ZNF728: variants seen among roughly 807,000 people sequenced by gnomAD.
ZNF728 encodes the protein zinc finger protein 728.
In ZNF728, 12 loss-of-function variants were observed where a neutral mutation model predicts 12.5. The observed-to-expected ratio is 0.96, with a 90% CI of 0.61 to 1.55. ZNF728 has a LOEUF of 1.55. Among genes scored for constraint, ZNF728 ranks in the 40% most tolerant of loss-of-function variants. The pLI, the probability that ZNF728 is intolerant of heterozygous loss-of-function variation, is 0.00. For synonymous variants in ZNF728, 205 were observed against 240.7 expected (o/e 0.85, Z 1.37); for missense variants, 692 against 719.2 (o/e 0.96, Z 0.43).
chr19:22,982,097 T>C (rs568005728), intron 3 of ZNF728, among the ~76,000 whole-genome samples: 2 of 152,194 alleles, frequency 1.3e-5, no homozygotes, highest in Non-Finnish European at 2.9e-5. Flanking sequence ...ACTTTCTCTA[T>C]CTGCAGATGA....
intron 1 of ZNF728, among the ~76,000 whole-genome samples, chr19:22,997,575 A>G (rs1049068028): frequency 7.9e-5 from 12 of 152,268 alleles, no homozygotes; most frequent in African/African-American, 2.9e-4. Context: ...CAGTTTAACA[A>G]CCTGATATCA....
intron 3 of ZNF728, 23 bp from the exon 4 acceptor site, chr19:22,977,133 A>C (rs1477325811): frequency 6.6e-7 from 1 of 1,508,704 alleles, no homozygotes; most frequent in East Asian, 2.3e-5. Context: ...AAAAATAACA[A>C]ATTAGTCCAC....
intron 3 of ZNF728, among the ~76,000 whole-genome samples, chr19:22,985,483 G>A (rs1471414800): frequency 6.6e-6 from 1 of 152,146 alleles, no homozygotes; most frequent in East Asian, 1.9e-4. Context: ...CTTTAAGAGA[G>A]CTTTGAGATC....
At chr19:22,999,854 T>C (rs1208756009) in intron 1 of ZNF728, among the ~76,000 whole-genome samples, 3 of 152,122 alleles carry the variant, frequency 2.0e-5, no homozygotes, top group Non-Finnish European at 4.4e-5. Context: ...TAACAGGATA[T>C]AGAACAAAGA....
chr19:22,978,299 T>C (rs1968826779), intron 3 of ZNF728, among the ~76,000 whole-genome samples: 1 of 119,020 alleles, frequency 8.4e-6, no homozygotes, highest in East Asian at 2.2e-4. Context: ...ATAGTCAAAG[T>C]CCTAAAAAAA....
intron 1 of ZNF728, among the ~76,000 whole-genome samples, chr19:22,997,846 C>T (rs1364522494): frequency 4.6e-5 from 7 of 151,318 alleles, no homozygotes; most frequent in African/African-American, 1.7e-4. Context: ...CTGAAGTCTG[C>T]TATGCACATA....
At chr19:22,977,241 C>G in intron 3 of ZNF728, 131 bp from the exon 4 acceptor site, 1 of 847,828 alleles carries the variant, frequency 1.2e-6, no homozygotes, top group Non-Finnish European at 1.7e-6. Context: ...TAATTCTTCA[C>G]AGACATATAA....
chr19:22,977,777 A>G (rs1353714412), intron 3 of ZNF728, among the ~76,000 whole-genome samples: 1 of 152,052 alleles, frequency 6.6e-6, no homozygotes, highest in Non-Finnish European at 1.5e-5. Flanking sequence ...AGCCAAGACC[A>G]TTGTTTTCTG....
chr19:22,978,906 C>A (rs903604075), intron 3 of ZNF728, among the ~76,000 whole-genome samples: 1 of 152,156 alleles, frequency 6.6e-6, no homozygotes, highest in African/African-American at 2.4e-5. Flanking sequence ...TGGGGAGAAG[C>A]CAGTGTAAAA....
intron 3 of ZNF728, among the ~76,000 whole-genome samples, chr19:22,978,902 G>A (rs1599526635): frequency 6.6e-6 from 1 of 152,334 alleles, no homozygotes; most frequent in East Asian, 1.9e-4. Flanking sequence ...AAGATGGGGA[G>A]AAGCCAGTGT....
intron 3 of ZNF728, among the ~76,000 whole-genome samples, chr19:22,986,166 TA>T (rs1321381243): frequency 1.3e-5 from 2 of 152,210 alleles, no homozygotes; most frequent in Non-Finnish European, 2.9e-5. Context: ...AACCAGTTTA[TA>T]AAAACTTTAA....
chr19:23,002,749 TGA>T (rs1291972833), intron 1 of ZNF728, among the ~76,000 whole-genome samples: 2 of 152,174 alleles, frequency 1.3e-5, no homozygotes, highest in African/African-American at 2.4e-5. Flanking sequence ...CCTGCACATC[TGA>T]GAGAGACTCC....
In ZNF728 at chr19:22,987,195, G is replaced by T. The variant is rs550796446; in HGVS notation, c.226+113C>A. On this transcript the variant is annotated intron_variant, in intron 3 of 3. Coordinates refer to ENST00000594710, the MANE Select transcript of ZNF728 (RefSeq NM_001267716.2). ...ATTAAAAAATAAAAATAAAAATTAG[G>T]CTTTCCAGAAACTATTTCTTTTGGA... The T allele has an allele frequency of 1.4e-5, 13 of 951,262 alleles. No individual in the cohort carries two copies. In the African/African-American group the frequency reaches 1.9e-4, roughly 14 times the overall value. The allele number at this position is 951,262 out of a possible 1,614,324, so 58.9% of individuals were successfully genotyped here.
In ZNF728 at chr19:22,975,767, T is replaced by G; in HGVS notation, c.1570A>C (p.Thr524Pro). ...GKAFSKVANLTKHKVIHTGEK... is the reference protein window; with the variant it reads ...GKAFSKVANLPKHKVIHTGEK... Reference sequence around the variant, plus strand: ...CCAGTATGAATTACCTTATGTTTAGTAAGGTTTGCAACCTTACTGAAGGCT... The same window carrying G: ...CCAGTATGAATTACCTTATGTTTAGGAAGGTTTGCAACCTTACTGAAGGCT... The change falls in exon 4 of 4, where the codon ACT becomes CCT. Residue 524 changes from threonine to proline, a missense_variant. This residue lies in a region of ZNF728 where 244 missense variants were observed against 235.2 expected (regional missense o/e 1.04). Coordinates refer to ENST00000594710, the MANE Select transcript of ZNF728 (RefSeq NM_001267716.2). 6.2e-7 allele frequency: 1 copy of G among 1,612,246 alleles called. No individual in the cohort carries two copies. Among genetic ancestry groups the G allele is most frequent in the Non-Finnish European group, 8.5e-7 (1 of 1,179,910 alleles).
chr19:22,987,390 A>G lies in ZNF728; in HGVS notation c.144T>C (p.Pro48=). Residue 48 remains proline (P), a synonymous_variant, in exon 3 of 4, where the codon CCT becomes CCC. Coordinates refer to ENST00000594710, the MANE Select transcript of ZNF728 (RefSeq NM_001267716.2). The part of the protein sequence containing the change: ...RNLVFLGIAA[P]KPDLIIFLEQ... ...CCAGAAAAATGATCAGGTCTGGCTTAGGGGCAGCAATACCTGTTTTATTAA... is the reference window on the plus strand; with the variant it reads ...CCAGAAAAATGATCAGGTCTGGCTTGGGGGCAGCAATACCTGTTTTATTAA... The G allele has an allele frequency of 6.2e-7, 1 of 1,602,768 alleles. No homozygotes were observed. The highest frequency in any genetic ancestry group is 8.5e-7 in the Non-Finnish European group (1 of 1,175,712).
chr19:22,993,427 C>T (rs1303219787), intron 1 of ZNF728, among the ~76,000 whole-genome samples: 5 of 152,194 alleles, frequency 3.3e-5, no homozygotes, highest in Admixed American at 3.3e-4. Flanking sequence ...GAGATTCCCT[C>T]ATAGAGGCTG....
At chr19:22,997,722 T>A (rs1226578173) in intron 1 of ZNF728, among the ~76,000 whole-genome samples, 13 of 146,196 alleles carry the variant, frequency 8.9e-5, no homozygotes, top group African/African-American at 3.3e-4. Flanking sequence ...TGGCATTAAA[T>A]CTATTTAAAA....
intron 3 of ZNF728, among the ~76,000 whole-genome samples, chr19:22,983,691 T>A (rs142892272): frequency 0.011 from 1,617 of 151,834 alleles, 35 homozygotes; most frequent in African/African-American, 0.037. Flanking sequence ...AAAGGATGAG[T>A]CCATGTCCTT....
intron 3 of ZNF728, among the ~76,000 whole-genome samples, chr19:22,980,667 T>C (rs564490797): frequency 1.3e-5 from 2 of 151,770 alleles, no homozygotes; most frequent in Non-Finnish European, 2.9e-5. Context: ...AGAATGGAAA[T>C]CGTAACAGTC....
Sources: gnomAD v4.1 joint callset for allele counts (sites outside exome capture counted in the v4.1 genomes callset) on GRCh38, gnomAD v4.1.1 for gene constraint, gnomAD v4.1.1 regional missense constraint, MANE v1.5 for transcripts, NCBI Gene and HGNC (gene_info 2026-07-23, HGNC 2026-07-21) for gene names.